The following STUM variants were observed in gnomAD, a reference collection of about 807,000 sequenced individuals.
STUM encodes the protein protein stum homolog.
STUM carries 8 observed loss-of-function variants against 15.3 expected under a neutral mutation model. That is an observed-to-expected ratio of 0.52 (90% CI 0.31 to 0.94). The LOEUF is 0.94. Among genes scored for constraint, STUM ranks in the 40% least tolerant of loss-of-function variants. The pLI, the probability that STUM is intolerant of heterozygous loss-of-function variation, is 0.05. For missense variants in STUM, 142 were observed against 204.9 expected (o/e 0.69, Z 1.87); for synonymous variants, 78 against 88.7 (o/e 0.88, Z 0.68).
At chr1:226,592,227 T>G (rs1258922210) in intron 1 of STUM, among the ~76,000 whole-genome samples, 1 of 152,194 alleles carries the variant, frequency 6.6e-6, no homozygotes, top group Non-Finnish European at 1.5e-5. Flanking sequence ...TTTGTATTTT[T>G]GGTAGAGACA....
chr1:226,597,467 T>A (rs1668200946), intron 2 of STUM: 1 of 472,382 alleles, frequency 2.1e-6, no homozygotes, highest in Non-Finnish European at 4.4e-6. Context: ...TCTCAGGCAC[T>A]TTGCCTTCAC....
At chr1:226,590,953 C>T (rs370931496) in intron 1 of STUM, among the ~76,000 whole-genome samples, 9 of 152,290 alleles carry the variant, frequency 5.9e-5, no homozygotes, top group Middle Eastern at 3.4e-3. Context: ...TGTGAGCTCC[C>T]GGGCGGGGGT....
chr1:226,583,921 T>TC (rs1259314903), intron 1 of STUM, among the ~76,000 whole-genome samples: 2 of 152,016 alleles, frequency 1.3e-5, no homozygotes, highest in Non-Finnish European at 2.9e-5. Flanking sequence ...CTATTCTTCT[T>TC]CCCCCTCCAT....
intron 1 of STUM, among the ~76,000 whole-genome samples, chr1:226,575,608 G>A (rs1667796397): frequency 6.6e-6 from 1 of 152,232 alleles, no homozygotes; most frequent in Admixed American, 6.5e-5. Flanking sequence ...ACGGGGCAAA[G>A]GCCCAGGCCA....
intron 1 of STUM, among the ~76,000 whole-genome samples, chr1:226,586,681 G>T (rs1204710276): frequency 6.6e-6 from 1 of 152,148 alleles, no homozygotes; most frequent in East Asian, 1.9e-4. Context: ...ACCCCTCTCG[G>T]TTTTTAATCT....
chr1:226,601,870 T>G, intron 3 of STUM, 136 bp from the exon 4 acceptor site: 1 of 713,824 alleles, frequency 1.4e-6, no homozygotes, highest in South Asian at 1.5e-5. Flanking sequence ...GGAAAAGTTG[T>G]GCTCTGATGG....
intron 1 of STUM, among the ~76,000 whole-genome samples, chr1:226,571,940 C>T (rs1667718280): frequency 6.6e-6 from 1 of 152,206 alleles, no homozygotes. Context: ...CACACCCGGC[C>T]CCTTTTCCCT....
intron 1 of STUM, among the ~76,000 whole-genome samples, chr1:226,592,462 T>C (rs1668106585): frequency 6.6e-6 from 1 of 152,240 alleles, no homozygotes; most frequent in Non-Finnish European, 1.5e-5. Context: ...GCAAGTCATT[T>C]AGCCTGTCTG....
chr1:226,581,662 G>T (rs1002404909), intron 1 of STUM, among the ~76,000 whole-genome samples: 2 of 152,178 alleles, frequency 1.3e-5, no homozygotes, highest in East Asian at 3.8e-4. Flanking sequence ...AGATGATGGT[G>T]GGGGAGGATG....
intron 1 of STUM, among the ~76,000 whole-genome samples, chr1:226,587,184 A>G (rs1231349090): frequency 1.3e-5 from 2 of 152,150 alleles, no homozygotes; most frequent in African/African-American, 2.4e-5. Flanking sequence ...AGGTTTGCTA[A>G]TAAGCACAGG....
Position 226,567,267 on chromosome 1 carries a change from A to G in STUM, c.202+18161A>G, listed in dbSNP as rs1195835824. On this transcript the variant is annotated intron_variant, in intron 1 of 3. Transcript: ENST00000366788. This position sits in a 1 kb window ranked among gnomAD's most constrained non-coding sequence, Gnocchi z 4.5. ...AAGACTGTCCGTCCTGGAGCTATCC[A>G]ACGGGTGGTGACGGCCCCGCGGGCT... 3.9e-5 allele frequency among the ~76,000 whole-genome samples: 6 copies of G among 152,210 alleles called. No homozygotes were observed. The highest frequency in any genetic ancestry group is 8.8e-5 in the Non-Finnish European group (6 of 68,040).
intron 1 of STUM, among the ~76,000 whole-genome samples, chr1:226,594,757 CG>C (rs1440194344): frequency 1.3e-5 from 2 of 152,100 alleles, no homozygotes; most frequent in East Asian, 3.9e-4. Flanking sequence ...TGGGTTCAAG[CG>C]ATTTTCCTGC....
In STUM at chr1:226,601,877, A is replaced by G. The variant is rs731038; in HGVS notation, c.392-129A>G. On this transcript the variant is annotated intron_variant, in intron 3 of 3. Coordinates refer to ENST00000366788, the MANE Select transcript of STUM (RefSeq NM_001003665.4). ...AGCCCTTGGGAAAAGTTGTGCTCTGATGGTAGCAGTCATTTACACCTTAGT... is the reference window on the plus strand; with the variant it reads ...AGCCCTTGGGAAAAGTTGTGCTCTGGTGGTAGCAGTCATTTACACCTTAGT... The G allele has an allele frequency of 0.014, 10,369 of 732,956 alleles. 822 individuals are homozygous for G. In the African/African-American group the frequency reaches 0.16, roughly 11 times the overall value. The allele number at this position is 732,956 out of a possible 1,614,324, so 45.4% of individuals were successfully genotyped here. A position where few individuals can be genotyped will look rare whatever the true frequency, so the allele number is the denominator to read the frequency against.
chr1:226,558,433 G>A (rs890162122), intron 1 of STUM, among the ~76,000 whole-genome samples: 2 of 152,116 alleles, frequency 1.3e-5, no homozygotes, highest in Non-Finnish European at 2.9e-5. Context: ...TCAATTCCAT[G>A]CAGCACATGG....
chr1:226,577,041 A>G (rs1312948680), intron 1 of STUM, among the ~76,000 whole-genome samples: 1 of 152,116 alleles, frequency 6.6e-6, no homozygotes, highest in Admixed American at 6.5e-5. Flanking sequence ...GCTCACAGCC[A>G]CATACAGAGA....
At chr1:226,580,001 G>A (rs1667893515) in intron 1 of STUM, among the ~76,000 whole-genome samples, 1 of 152,226 alleles carries the variant, frequency 6.6e-6, no homozygotes, top group African/African-American at 2.4e-5. Context: ...CCCTGTAGCT[G>A]TTGTAGGCAG....
intron 1 of STUM, among the ~76,000 whole-genome samples, chr1:226,554,291 G>A (rs1228586738): frequency 6.6e-6 from 1 of 152,198 alleles, no homozygotes; most frequent in African/African-American, 2.4e-5. Context: ...AGCCTGAGTT[G>A]CTGAGATTTT....
chr1:226,556,331 A>G (rs1667445091), intron 1 of STUM, among the ~76,000 whole-genome samples: 1 of 152,246 alleles, frequency 6.6e-6, no homozygotes. Context: ...GCACAAAGTC[A>G]AAGAAGATGT....
chr1:226,600,785 A>G lies in STUM; in HGVS notation c.391+111A>G, dbSNP rs1402807884. The G allele has an allele frequency of 5.3e-6, 6 of 1,130,620 alleles. No individual in the cohort carries two copies. Among genetic ancestry groups the G allele is most frequent in the Non-Finnish European group, 7.9e-6 (6 of 759,914 alleles). 70.0% of individuals were successfully genotyped at this position (1,130,620 alleles called of 1,614,324 possible). On this transcript the variant is annotated intron_variant, in intron 3 of 3. Transcript: ENST00000366788. The surrounding 1 kb of genome is among the most constrained non-coding windows in gnomAD (Gnocchi z 5.2). Reference sequence around the variant, plus strand: ...CCCCACCCACTCTCCCAGTGGGTCAATGGGCTTTTATGTTTAGCTTGAACT... The same window carrying G: ...CCCCACCCACTCTCCCAGTGGGTCAGTGGGCTTTTATGTTTAGCTTGAACT...
Sources: allele counts gnomAD v4.1 joint callset (sites outside exome capture counted in the v4.1 genomes callset), GRCh38; gene constraint gnomAD v4.1.1; non-coding constraint Gnocchi (gnomAD v3.1); transcripts MANE v1.5; gene names NCBI Gene and HGNC (gene_info 2026-07-23, HGNC 2026-07-21).